The following ZNF75D variants were observed in gnomAD, a reference collection of about 807,000 sequenced individuals.
The protein encoded by ZNF75D is zinc finger protein 75D.
ZNF75D carries 33 observed loss-of-function variants against 33.3 expected under a neutral mutation model. The observed-to-expected ratio is 0.99, with a 90% CI of 0.75 to 1.32. ZNF75D has a LOEUF of 1.32. ZNF75D is among the 40% of genes most tolerant of loss of function. The pLI is 0.00. For synonymous variants in ZNF75D, 113 were observed against 130.6 expected (o/e 0.87, Z 0.92); for missense variants, 338 against 367.5 (o/e 0.92, Z 0.66).
At chrX:135,340,771 G>A (rs781851342) in intron 1 of ZNF75D, among the ~76,000 whole-genome samples, 3 of 111,984 alleles carry the variant, frequency 2.7e-5, no homozygotes, top group South Asian at 3.7e-4. Context: ...CATACGTCTC[G>A]TGACTGAGAA....
At chrX:135,337,268 T>C (rs1336994538) in intron 1 of ZNF75D, among the ~76,000 whole-genome samples, 1 of 112,083 alleles carries the variant, frequency 8.9e-6, no homozygotes, top group Non-Finnish European at 1.9e-5. Flanking sequence ...CATTACACTG[T>C]TATTACTTTG....
rs782739267 is a variant in ZNF75D at position 135,291,495 on chromosome X, TA to T, written c.672del (p.Lys225AsnfsTer8). ...QKRIKHWKMASKLILPESLSL... is the reference protein window; with the variant it reads ...QKRIKHWKMAXKLILPESLSL... ...ACCAGGGACTCAGGCAGGATGAGTTTAGATGCCATCTTCCAGTGTTTGATTC... is the reference window on the plus strand; with the variant it reads ...ACCAGGGACTCAGGCAGGATGAGTTTGATGCCATCTTCCAGTGTTTGATTC... On this transcript the variant is annotated frameshift_variant, in exon 5 of 7. Coordinates refer to ENST00000370766, the MANE Select transcript of ZNF75D (RefSeq NM_007131.5). LOFTEE classifies it high-confidence loss of function. 1.7e-6 allele frequency: 2 copies of T among 1,212,087 alleles called. No individual in the cohort carries two copies. The highest frequency in any genetic ancestry group is 4.3e-5 in the Admixed American group (2 of 46,127).
chrX:135,259,926 G>A (rs918652260), intron 1 of ZNF75D, among the ~76,000 whole-genome samples: 13 of 111,795 alleles, frequency 1.2e-4, no homozygotes, highest in African/African-American at 4.2e-4. Flanking sequence ...TATTGGCTGT[G>A]GGTTTGTCAT....
At chrX:135,273,245 G>A (rs1358148125) in intron 1 of ZNF75D, among the ~76,000 whole-genome samples, 4 of 111,633 alleles carry the variant, frequency 3.6e-5, no homozygotes, top group African/African-American at 9.8e-5. Context: ...GGCAACTGCC[G>A]GGTTCTGGCT....
chrX:135,297,792 C>T (rs1318201276), intron 1 of ZNF75D: 1 of 111,909 alleles, frequency 8.9e-6, no homozygotes, highest in Non-Finnish European at 1.9e-5. Context: ...ATACCTAAGA[C>T]GTCTTTACAG....
chrX:135,316,547 G>T (rs782452191), intron 1 of ZNF75D, among the ~76,000 whole-genome samples: 4 of 111,611 alleles, frequency 3.6e-5, no homozygotes, highest in Non-Finnish European at 7.5e-5. Context: ...CCTCTTGGTA[G>T]ACCTGGAAAT....
chrX:135,319,199 A>C (rs1427025121), intron 1 of ZNF75D, among the ~76,000 whole-genome samples: 1 of 112,449 alleles, frequency 8.9e-6, no homozygotes, highest in East Asian at 2.8e-4. Flanking sequence ...TTCTGTATAG[A>C]GAACATTATT....
At chrX:135,279,249 C>T (rs917876050) in intron 1 of ZNF75D, among the ~76,000 whole-genome samples, 1 of 111,662 alleles carries the variant, frequency 9.0e-6, no homozygotes, top group Non-Finnish European at 1.9e-5. Flanking sequence ...TTATCCATTT[C>T]TTCTAGATTT....
At chrX:135,307,208 AC>A (rs2084298428) in intron 1 of ZNF75D, among the ~76,000 whole-genome samples, 1 of 111,785 alleles carries the variant, frequency 8.9e-6, no homozygotes, top group Non-Finnish European at 1.9e-5. Context: ...AGAACACTGA[AC>A]ACAGCCTCAG....
chrX:135,291,050 T>C lies in ZNF75D; in HGVS notation c.782A>G (p.Asn261Ser), dbSNP rs782649581. ...LLNPLEKTLY[N>S]DVMQDIYETV... The stretch of plus-strand genomic sequence containing the variant: ...CTCATAGATATCCTGCATTACATCA[T>C]TGTAGAGAGTCTTCTCAAGAGGATT... Residue 261 changes from asparagine to serine, a missense_variant, in exon 6 of 7, where the codon AAT becomes AGT. Physicochemically the swap from Asn to Ser is conservative, Grantham distance 46 (BLOSUM62 1). Coordinates refer to ENST00000370766, the MANE Select transcript of ZNF75D (RefSeq NM_007131.5). 4 of 1,206,631 alleles carry C rather than the reference T, an allele frequency of 3.3e-6. No homozygotes were observed. Among genetic ancestry groups the C allele is most frequent in the South Asian group, 3.5e-5 (2 of 56,823 alleles).
chrX:135,266,317 C>T (rs1173187180), intron 1 of ZNF75D, among the ~76,000 whole-genome samples: 1 of 111,716 alleles, frequency 9.0e-6, no homozygotes. Context: ...ACTCTTCAAT[C>T]AAAAGACATA....
At chrX:135,259,695 T>TGAAGTTGCTTATCAGCTTAAG (rs2083829730) in intron 1 of ZNF75D, among the ~76,000 whole-genome samples, 1 of 112,135 alleles carries the variant, frequency 8.9e-6, no homozygotes, top group African/African-American at 3.2e-5. Context: ...GATTTTGGAC[T>TGAAGTTGCTTATCAGCTTAAG]GAGACGATGG....
intron 1 of ZNF75D, among the ~76,000 whole-genome samples, chrX:135,271,515 G>C (rs1265684269): frequency 8.9e-6 from 1 of 111,924 alleles, no homozygotes; most frequent in African/African-American, 3.3e-5. Flanking sequence ...TCTCTTCCTA[G>C]TCTCCTGAAC....
downstream of ZNF75D, among the ~76,000 whole-genome samples, chrX:135,281,853 C>T (rs1385819325): frequency 8.9e-6 from 1 of 112,408 alleles, no homozygotes; most frequent in East Asian, 2.8e-4. Flanking sequence ...CCTCTTCCTT[C>T]CTCTAGAAGC....
At chrX:135,314,001 C>T (rs983354389) in intron 1 of ZNF75D, among the ~76,000 whole-genome samples, 25 of 111,838 alleles carry the variant, frequency 2.2e-4, no homozygotes, top group African/African-American at 7.8e-4. Flanking sequence ...TGCATGATTG[C>T]TCTGGCTTGG....
At chrX:135,282,530 G>A (rs2083923876), downstream of ZNF75D, among the ~76,000 whole-genome samples, 1 of 111,426 alleles carries the variant, frequency 9.0e-6, no homozygotes, top group Admixed American at 9.5e-5. Context: ...AGGTGCCACT[G>A]GGTTATGACA....
intron 1 of ZNF75D, among the ~76,000 whole-genome samples, chrX:135,334,014 T>C (rs2084680994): frequency 1.8e-5 from 2 of 111,753 alleles, no homozygotes; most frequent in Admixed American, 9.5e-5. Context: ...ACACCCCTTC[T>C]CAGCTATCAG....
chrX:135,272,798 A>G (rs939692366), intron 1 of ZNF75D, among the ~76,000 whole-genome samples: 3 of 111,508 alleles, frequency 2.7e-5, no homozygotes, highest in African/African-American at 9.8e-5. Flanking sequence ...CCATTTACAT[A>G]GGGCGTACAC....
intron 1 of ZNF75D, among the ~76,000 whole-genome samples, chrX:135,334,598 C>A (rs921830129): frequency 3.6e-5 from 4 of 110,986 alleles, no homozygotes; most frequent in Non-Finnish European, 7.6e-5. Context: ...AAGGGGTGGA[C>A]CCCCTCTCCC....
Sources: gnomAD v4.1 joint callset for allele counts (sites outside exome capture counted in the v4.1 genomes callset) on GRCh38, gnomAD v4.1.1 for gene constraint, MANE v1.5 for transcripts, NCBI Gene and HGNC (gene_info 2026-07-23, HGNC 2026-07-21) for gene names.